The following MEGF9 variants were observed in gnomAD, a reference collection of about 807,000 sequenced individuals.
The protein encoded by MEGF9 is multiple epidermal growth factor-like domains protein 9.
In MEGF9, 6 loss-of-function variants were observed where a neutral mutation model predicts 46.8. That is an observed-to-expected ratio of 0.13 (90% confidence interval 0.07 to 0.25). The LOEUF (loss-of-function observed/expected upper bound fraction) is 0.25, where lower values mean the gene tolerates loss of function less well. Ranked by LOEUF, MEGF9 falls within the 10% of genes least tolerant of loss-of-function variation. MEGF9 has a pLI of 1.00. For missense variants in MEGF9, 683 were observed against 792.4 expected, an observed-to-expected ratio of 0.86 and a Z score of 1.66; for synonymous variants, 302 against 330.7, an observed-to-expected ratio of 0.91 and a Z score of 0.94.
At position 120,606,542 on chromosome 9, in the gene MEGF9, A is replaced by T. The variant is rs188644809; in HGVS notation, c.1358-901T>A. Among the ~76,000 whole-genome samples the T allele has an allele frequency of 3.8e-3, 571 of 152,012 alleles. 5 individuals carry two copies. Among genetic ancestry groups the T allele is most frequent in the African/African-American group, 0.013 (537 of 41,444 alleles). ...CCTTTGTGTAGATTACAGCTACTTT[A>T]TAATTTAGGTATTATACTTTGTATT... On this transcript the variant is annotated intron_variant, in intron 5 of 5. Coordinates refer to ENST00000373930, the MANE Select transcript of MEGF9 (RefSeq NM_001080497.3).
At chr9:120,697,609 G>GCTGAATAGACAATCACATAGTTACTAT (rs2043883801) in intron 1 of MEGF9, among the ~76,000 whole-genome samples, 1 of 152,078 alleles carries the variant, frequency 6.6e-6, no homozygotes. Flanking sequence ...TCCTCTTTGT[G>GCTGAATAGACAATCACATAGTTACTAT]CTGAATAGAC....
rs545905280 is a variant in MEGF9, at chr9:120,690,771, T to C, written c.601+22987A>G. The stretch of plus-strand genomic sequence containing the variant: ...ACCAAAATTTCCTCTGTATTATCCC[T>C]AAAGTCACTCCACTAGCTAAAAATT... On this transcript the variant is annotated intron_variant, in intron 1 of 5. Transcript: ENST00000373930. 1.5e-3 allele frequency among the ~76,000 whole-genome samples: 231 copies of C among 152,254 alleles called. 1 individual carries two copies. The highest frequency in any genetic ancestry group is 2.7e-3 in the Non-Finnish European group (181 of 68,010).
At chr9:120,685,273 C>T (rs2132334952) in intron 1 of MEGF9, among the ~76,000 whole-genome samples, 2 of 152,328 alleles carry the variant, frequency 1.3e-5, no homozygotes, top group South Asian at 4.1e-4. Context: ...ATGTTTACAT[C>T]AACATCATAC....
At chr9:120,641,771 G>A (rs2043604225) in intron 2 of MEGF9, among the ~76,000 whole-genome samples, 1 of 152,134 alleles carries the variant, frequency 6.6e-6, no homozygotes, top group Admixed American at 6.5e-5. Context: ...CCCTATCCCT[G>A]ACTGGTAAAG....
intron 1 of MEGF9, among the ~76,000 whole-genome samples, chr9:120,681,006 G>A (rs1341110814): frequency 2.6e-5 from 4 of 152,126 alleles, no homozygotes; most frequent in African/African-American, 9.7e-5. Flanking sequence ...GGGACCTCAA[G>A]AGCCCATTTA....
intron 1 of MEGF9, among the ~76,000 whole-genome samples, chr9:120,697,830 A>C (rs1405431142): frequency 6.6e-6 from 1 of 152,182 alleles, no homozygotes; most frequent in Non-Finnish European, 1.5e-5. Flanking sequence ...ACCAGTGCTG[A>C]GACAGAAAAT....
intron 3 of MEGF9, among the ~76,000 whole-genome samples, chr9:120,614,882 G>A (rs535243236): frequency 1.3e-5 from 2 of 151,802 alleles, no homozygotes; most frequent in South Asian, 4.2e-4. Context: ...CATAGCTGAT[G>A]TGACAAGAAA....
rs144551836 is a variant in MEGF9 at position 120,686,716 on chromosome 9, T to C, written c.601+27042A>G. 2.6e-3 allele frequency among the ~76,000 whole-genome samples: 397 copies of C among 152,358 alleles called. 2 individuals are homozygous for C. Among genetic ancestry groups the C allele is most frequent in the Middle Eastern group, 0.01 (3 of 294 alleles). On this transcript the variant is annotated intron_variant, in intron 1 of 5. Coordinates refer to ENST00000373930, the MANE Select transcript of MEGF9 (RefSeq NM_001080497.3). ...CACCAATCTTTAAAGTCAGGTGGAC[T>C]AGAATCCAAACACTGGCTCTAACAC...
At chr9:120,620,310 T>C (rs886197377) in intron 3 of MEGF9, among the ~76,000 whole-genome samples, 2 of 152,216 alleles carry the variant, frequency 1.3e-5, no homozygotes, top group African/African-American at 4.8e-5. Flanking sequence ...ATTCCTGTTG[T>C]TACTCAGTAT....
At position 120,601,618 on chromosome 9, in the gene MEGF9, C is replaced by T. The variant is rs1373055081; in HGVS notation, c.*3572G>A. The stretch of plus-strand genomic sequence containing the variant: ...CCTCTCTCCTCTCATCCCATGTTTC[C>T]TCTGTTCTCTACTCTTAAAATCTAG... On this transcript the variant is annotated 3_prime_UTR_variant, in exon 6 of 6. Transcript: ENST00000373930. 1 of 152,204 alleles carries T rather than the reference C, an allele frequency of 6.6e-6. No homozygotes were observed. Among genetic ancestry groups the T allele is most frequent in the Non-Finnish European group, 1.5e-5 (1 of 68,026 alleles). The allele number at this position is 152,204 out of a possible 1,614,324, so 9.4% of individuals were successfully genotyped here. A position where few individuals can be genotyped will look rare whatever the true frequency, so the allele number is the denominator to read the frequency against.
At chr9:120,626,630 C>A (rs771887339) in intron 2 of MEGF9, among the ~76,000 whole-genome samples, 3 of 152,060 alleles carry the variant, frequency 2.0e-5, no homozygotes, top group Non-Finnish European at 4.4e-5. Context: ...GGTGGAGAAG[C>A]TTCAGAATTT....
chr9:120,707,757 T>C (rs2043935087), intron 1 of MEGF9, among the ~76,000 whole-genome samples: 3 of 152,130 alleles, frequency 2.0e-5, no homozygotes, highest in Admixed American at 6.6e-5. Context: ...ATATAATCCA[T>C]CTTGGCTGGG....
intron 2 of MEGF9, among the ~76,000 whole-genome samples, chr9:120,652,475 T>C (rs535312302): frequency 1.2e-3 from 65 of 55,142 alleles, no homozygotes; most frequent in African/African-American, 3.8e-3. Flanking sequence ...CGAGATCTTG[T>C]CTTAAAAAAA....
At chr9:120,608,735 C>T (rs527944500) in intron 4 of MEGF9, among the ~76,000 whole-genome samples, 51 of 152,298 alleles carry the variant, frequency 3.3e-4, no homozygotes, top group African/African-American at 1.1e-3. Flanking sequence ...CTGTCTTCCT[C>T]CAATGTTCCC....
intron 2 of MEGF9, among the ~76,000 whole-genome samples, chr9:120,647,162 C>A (rs1310702537): frequency 6.9e-6 from 1 of 144,936 alleles, no homozygotes; most frequent in African/African-American, 2.5e-5. Flanking sequence ...TTTTTTCATT[C>A]ATTTGACTAC....
chr9:120,610,071 C>T (rs923777282), intron 4 of MEGF9, among the ~76,000 whole-genome samples: 2 of 152,148 alleles, frequency 1.3e-5, no homozygotes, highest in African/African-American at 4.8e-5. Flanking sequence ...AGTTACTAAA[C>T]TCTGGGCCTC....
At chr9:120,677,997 C>G (rs977877685) in intron 1 of MEGF9, among the ~76,000 whole-genome samples, 13 of 152,262 alleles carry the variant, frequency 8.5e-5, no homozygotes, top group African/African-American at 3.1e-4. Flanking sequence ...ATTGTTTTAA[C>G]TTTTAGGTCC....
rs545110072 is a variant in MEGF9, at chr9:120,632,615, G to C, written c.804-9860C>G. On this transcript the variant is annotated intron_variant, in intron 2 of 5. Coordinates refer to ENST00000373930, the MANE Select transcript of MEGF9 (RefSeq NM_001080497.3). ...TTCTCTTGCCTAATTGCTCTGGCTAGCACTTCTGGTATTATGTTGAATAGG... is the reference window on the plus strand; with the variant it reads ...TTCTCTTGCCTAATTGCTCTGGCTACCACTTCTGGTATTATGTTGAATAGG... Among the ~76,000 whole-genome samples the C allele has an allele frequency of 2.0e-4, 30 of 152,188 alleles. 1 individual carries two copies. The highest frequency in any genetic ancestry group is 6.3e-4 in the African/African-American group (26 of 41,530).
intron 1 of MEGF9, among the ~76,000 whole-genome samples, chr9:120,663,352 T>C (rs2043711026): frequency 6.6e-6 from 1 of 152,242 alleles, no homozygotes; most frequent in Admixed American, 6.5e-5. Context: ...ATTCACTAAA[T>C]TGTGCCAGGA....
Sources: gnomAD v4.1 joint callset for allele counts (sites outside exome capture counted in the v4.1 genomes callset) on GRCh38, gnomAD v4.1.1 for gene constraint, MANE v1.5 for transcripts, NCBI Gene and HGNC (gene_info 2026-07-23, HGNC 2026-07-21) for gene names.